Variants in ASTN2 observed in about 807,000 individuals in gnomAD.
ASTN2 encodes astrotactin 2, also known as astrotactin-2.
Under a neutral mutation model 139.8 loss-of-function variants are expected in ASTN2, and 54 were observed. The ratio of observed to expected loss-of-function variants is 0.39; its 90% CI spans 0.31 to 0.48. The LOEUF is 0.48. Among genes scored for constraint, ASTN2 ranks in the 20% least tolerant of loss-of-function variants. The probability of loss-of-function intolerance (pLI) is 0.95; values close to 1 mark genes in which losing one functional copy is unlikely to be tolerated. For synonymous variants in ASTN2, 756 were observed against 719.5 expected (o/e 1.05, Z -0.81); for missense variants, 1,565 against 1,725.1 (o/e 0.91, Z 1.64).
intron 6 of ASTN2, among the ~76,000 whole-genome samples, chr9:117,019,874 T>C (rs1837823669): frequency 6.6e-6 from 1 of 152,274 alleles, no homozygotes; most frequent in South Asian, 2.1e-4. Flanking sequence ...ATACCTAACA[T>C]ATAACTCCTG....
At chr9:117,033,098 G>A (rs568572673) in intron 6 of ASTN2, among the ~76,000 whole-genome samples, 17 of 152,234 alleles carry the variant, frequency 1.1e-4, no homozygotes, top group Admixed American at 3.9e-4. Flanking sequence ...CAAAGAATTG[G>A]TGACACTCTG....
intron 18 of ASTN2, among the ~76,000 whole-genome samples, chr9:116,619,622 C>T (rs574852000): frequency 6.0e-5 from 9 of 151,232 alleles, no homozygotes; most frequent in African/African-American, 2.2e-4. Flanking sequence ...TTCCTGGGCT[C>T]AAGAGATCCT....
intron 10 of ASTN2, among the ~76,000 whole-genome samples, chr9:116,865,650 T>C (rs1215960517): frequency 6.6e-6 from 1 of 151,974 alleles, no homozygotes; most frequent in Non-Finnish European, 1.5e-5. Flanking sequence ...TGGAATGGGA[T>C]ATACTAGGAT....
intron 19 of ASTN2, among the ~76,000 whole-genome samples, chr9:116,492,491 A>G (rs2119106148): frequency 6.6e-6 from 1 of 152,322 alleles, no homozygotes; most frequent in East Asian, 1.9e-4. Context: ...AAGATCAGAG[A>G]AGGACAGTGA....
At chr9:116,598,935 A>G (rs1194126814) in intron 19 of ASTN2, among the ~76,000 whole-genome samples, 1 of 152,252 alleles carries the variant, frequency 6.6e-6, no homozygotes, top group African/African-American at 2.4e-5. Flanking sequence ...CAGATAAAAT[A>G]CCACTGTCTA....
intron 2 of ASTN2, among the ~76,000 whole-genome samples, chr9:117,225,535 GTATATATATATATATATATA>G (rs58184768): frequency 0.1 from 6,702 of 63,980 alleles, 887 homozygotes; most frequent in African/African-American, 0.21. Flanking sequence ...CAAGCTGTAT[GTATATATATATATATATATA>G]TATATATATA....
At chr9:117,096,449 C>G (rs920416067) in intron 4 of ASTN2, among the ~76,000 whole-genome samples, 27 of 152,186 alleles carry the variant, frequency 1.8e-4, no homozygotes, top group African/African-American at 6.0e-4. Context: ...TGTGAGATTG[C>G]CTTGAAGATT....
At chr9:116,964,955 A>C (rs991654005) in intron 10 of ASTN2, among the ~76,000 whole-genome samples, 1 of 152,190 alleles carries the variant, frequency 6.6e-6, no homozygotes, top group Non-Finnish European at 1.5e-5. Flanking sequence ...TCAGCAACCA[A>C]AGTTATCGCT....
intron 5 of ASTN2, among the ~76,000 whole-genome samples, chr9:117,047,368 A>G (rs1030810925): frequency 2.7e-5 from 4 of 147,720 alleles, no homozygotes; most frequent in African/African-American, 9.7e-5. Context: ...CTCCCTCTCT[A>G]TCTTTGTCAT....
rs972284249 is a variant in ASTN2 at position 117,202,759 on chromosome 9, C to A, written c.1015+11599G>T. Among the ~76,000 whole-genome samples the A allele has an allele frequency of 2.0e-5, 3 of 152,084 alleles. No individual in the cohort carries two copies. The East Asian group carries it at 5.8e-4, about 29-fold the overall frequency. ...TGACCTGGCCTTTCTCTCTGGCTGC[C>A]CTTAACAGTTTTTCCTTCATTCCAA... On this transcript the variant is annotated intron_variant, in intron 3 of 22. Coordinates refer to ENST00000313400, the MANE Select transcript of ASTN2 (RefSeq NM_001365068.1).
intron 13 of ASTN2, among the ~76,000 whole-genome samples, chr9:116,739,836 G>A (rs888997224): frequency 6.6e-6 from 1 of 152,184 alleles, no homozygotes; most frequent in Admixed American, 6.5e-5. Flanking sequence ...TTGAAGCAGT[G>A]AAGGAAGAAA....
chr9:116,894,057 C>T (rs1833827810), intron 10 of ASTN2, among the ~76,000 whole-genome samples: 1 of 152,200 alleles, frequency 6.6e-6, no homozygotes, highest in Non-Finnish European at 1.5e-5. Context: ...GCCTTCCCTA[C>T]TTCCATTCTA....
chr9:117,255,421 G>T (rs549069877), intron 2 of ASTN2, among the ~76,000 whole-genome samples: 3 of 152,294 alleles, frequency 2.0e-5, no homozygotes, highest in Admixed American at 2.0e-4. Context: ...GAGATTATTT[G>T]TGTTACACCC....
intron 5 of ASTN2, among the ~76,000 whole-genome samples, chr9:117,050,932 A>G (rs1041584153): frequency 1.3e-5 from 2 of 152,072 alleles, no homozygotes; most frequent in African/African-American, 4.8e-5. Flanking sequence ...CCTCCCCCAT[A>G]TGTTGTCCTT....
chr9:117,119,628 T>G (rs1430419053), intron 4 of ASTN2, among the ~76,000 whole-genome samples: 1 of 152,184 alleles, frequency 6.6e-6, no homozygotes, highest in Non-Finnish European at 1.5e-5. Context: ...TTCCTTCATG[T>G]CTGATTTTCA....
At chr9:116,936,233 TC>T (rs1835078351) in intron 10 of ASTN2, among the ~76,000 whole-genome samples, 2 of 76,818 alleles carry the variant, frequency 2.6e-5, no homozygotes, top group Non-Finnish European at 5.6e-5. Flanking sequence ...ACTACCACCA[TC>T]ACCACCACCA....
intron 1 of ASTN2, among the ~76,000 whole-genome samples, chr9:117,317,709 C>A (rs912641902): frequency 6.6e-6 from 1 of 152,170 alleles, no homozygotes; most frequent in Non-Finnish European, 1.5e-5. Flanking sequence ...AACCACACTT[C>A]CATCCATCAC....
intron 1 of ASTN2, among the ~76,000 whole-genome samples, chr9:117,403,630 T>G (rs1269795235): frequency 6.6e-6 from 1 of 152,094 alleles, no homozygotes; most frequent in African/African-American, 2.4e-5. Flanking sequence ...TTACTGCTGA[T>G]TCTGCTAATG....
chr9:116,975,202 C>T lies in ASTN2; in HGVS notation c.1889+6G>A, dbSNP rs201370553. The T allele has an allele frequency of 5.0e-6, 8 of 1,604,274 alleles. No homozygotes were observed. Among genetic ancestry groups the T allele is most frequent in the Non-Finnish European group, 6.8e-6 (8 of 1,175,790 alleles). ...CCTATGCAGAGTACTGGAGATGATT[C>T]CCTACCTGACATCTGCAGGGTCTTC... On this transcript the variant is annotated splice_donor_region_variant and intron_variant, in intron 10 of 22. Coordinates refer to ENST00000313400, the MANE Select transcript of ASTN2 (RefSeq NM_001365068.1).
Sources: gnomAD v4.1 joint callset for allele counts (sites outside exome capture counted in the v4.1 genomes callset) on GRCh38, gnomAD v4.1.1 for gene constraint, MANE v1.5 for transcripts, NCBI Gene and HGNC (gene_info 2026-07-23, HGNC 2026-07-21) for gene names.